The following MARCHF7 variants were observed in gnomAD, a reference collection of about 807,000 sequenced individuals.
MARCHF7 encodes E3 ubiquitin-protein ligase MARCHF7.
In MARCHF7, 20 loss-of-function variants were observed where a neutral mutation model predicts 76.5. The ratio of observed to expected loss-of-function variants is 0.26; its 90% CI spans 0.18 to 0.38. The LOEUF is 0.38. Ranked by LOEUF, MARCHF7 falls within the 10% of genes least tolerant of loss-of-function variation. MARCHF7 has a pLI of 1.00. For missense variants in MARCHF7, 797 were observed against 812.9 expected (o/e 0.98, Z 0.24); for synonymous variants, 295 against 293.0 (o/e 1.01, Z -0.07).
chr2:159,766,893 G>A (rs1707841707), intron 11 of MARCHF7, among the ~76,000 whole-genome samples: 1 of 152,044 alleles, frequency 6.6e-6, no homozygotes, highest in African/African-American at 2.4e-5. Context: ...AACATGCAGC[G>A]GTAATAAGCC....
intron 11 of MARCHF7, among the ~76,000 whole-genome samples, chr2:159,765,699 T>C (rs538479711): frequency 3.3e-5 from 5 of 152,288 alleles, no homozygotes; most frequent in African/African-American, 1.2e-4. Flanking sequence ...TTTTTAATTC[T>C]AGATAATCTA....
chr2:159,734,310 A>G (rs1703187657), intron 4 of MARCHF7, among the ~76,000 whole-genome samples: 1 of 143,502 alleles, frequency 7.0e-6, no homozygotes, highest in South Asian at 2.3e-4. Flanking sequence ...GGGCTTTTTA[A>G]AGTTATTGAT....
At chr2:159,720,875 C>A (rs192582068) in intron 3 of MARCHF7, among the ~76,000 whole-genome samples, 66 of 152,226 alleles carry the variant, frequency 4.3e-4, no homozygotes, top group African/African-American at 1.4e-3. Flanking sequence ...CGCAACCGCT[C>A]AAGACAGAGT....
Position 159,752,589 on chromosome 2 carries a change from G to T in MARCHF7, c.1783+18G>T. The T allele has an allele frequency of 6.9e-7, 1 of 1,444,480 alleles. No homozygotes were observed. Among genetic ancestry groups the T allele is most frequent in the Non-Finnish European group, 9.2e-7 (1 of 1,091,720 alleles). 89.5% of individuals were successfully genotyped at this position (1,444,480 alleles called of 1,614,324 possible). On this transcript the variant is annotated intron_variant, in intron 8 of 11. Coordinates refer to ENST00000409175, the MANE Select transcript of MARCHF7 (RefSeq NM_001282805.2). ...TAACTCTGGTAAGATTTACCCTTTT[G>T]TGTTTTCACAATTTTTCTAAGAGAT... is the stretch of plus-strand genomic sequence containing the variant.
intron 4 of MARCHF7, among the ~76,000 whole-genome samples, chr2:159,729,870 T>G (rs1282841804): frequency 2.0e-5 from 3 of 152,230 alleles, no homozygotes; most frequent in Admixed American, 6.5e-5. Flanking sequence ...ATAACAAATG[T>G]TAAGTGTTTT....
At chr2:159,722,673 G>A (rs747313440) in intron 3 of MARCHF7, among the ~76,000 whole-genome samples, 4 of 152,172 alleles carry the variant, frequency 2.6e-5, no homozygotes, top group East Asian at 1.9e-4. Context: ...TAAGTGATTC[G>A]ATAGAAGTTT....
intron 3 of MARCHF7, among the ~76,000 whole-genome samples, chr2:159,717,261 G>A (rs745718645): frequency 7.9e-5 from 12 of 152,220 alleles, no homozygotes; most frequent in African/African-American, 1.9e-4. Flanking sequence ...GTGCAGCAAC[G>A]TTGCATTACA....
At chr2:159,747,260 C>T (rs773667750) in intron 6 of MARCHF7, among the ~76,000 whole-genome samples, 9 of 152,006 alleles carry the variant, frequency 5.9e-5, no homozygotes, top group Admixed American at 2.6e-4. Flanking sequence ...ATAAGAACCA[C>T]AGCTGTTAAC....
At chr2:159,754,386 T>G (rs550717877) in intron 8 of MARCHF7, among the ~76,000 whole-genome samples, 4 of 152,230 alleles carry the variant, frequency 2.6e-5, no homozygotes, top group African/African-American at 9.6e-5. Context: ...ATAATTGGAT[T>G]TGATAGCATA....
intron 4 of MARCHF7, among the ~76,000 whole-genome samples, chr2:159,730,067 A>G (rs1438914844): frequency 6.6e-6 from 1 of 152,182 alleles, no homozygotes; most frequent in East Asian, 1.9e-4. Context: ...CGTTAGGACC[A>G]CAAGCTTTTT....
chr2:159,739,114 C>T (rs976038602), intron 4 of MARCHF7, among the ~76,000 whole-genome samples: 7 of 152,094 alleles, frequency 4.6e-5, no homozygotes, highest in Non-Finnish European at 7.4e-5. Context: ...GAGGCGGGGG[C>T]GGGAAGGGAG....
At chr2:159,757,568 A>AT (rs1706486281) in intron 8 of MARCHF7, among the ~76,000 whole-genome samples, 1 of 152,316 alleles carries the variant, frequency 6.6e-6, no homozygotes, top group Admixed American at 6.5e-5. Flanking sequence ...CTTTGAGCCC[A>AT]TGAGCTAGAG....
At chr2:159,713,969 T>C (rs1452846716) in intron 1 of MARCHF7, among the ~76,000 whole-genome samples, 7 of 152,212 alleles carry the variant, frequency 4.6e-5, no homozygotes, top group Non-Finnish European at 1.0e-4. Context: ...TAAGAATTCC[T>C]ACTTATTCAA....
In MARCHF7 at chr2:159,753,884, T is replaced by C. The variant is rs1040558436; in HGVS notation, c.1783+1313T>C. 8.8e-4 allele frequency among the ~76,000 whole-genome samples: 134 copies of C among 152,306 alleles called. 1 individual carries two copies. Among genetic ancestry groups the C allele is most frequent in the African/African-American group, 2.9e-3 (121 of 41,558 alleles). ...AAGACATCCAGTTCAGTAAATTGGA[T>C]GTGATGGAATGAAGGAGAAACAACA... On this transcript the variant is annotated intron_variant, in intron 8 of 11. Coordinates refer to ENST00000409175, the MANE Select transcript of MARCHF7 (RefSeq NM_001282805.2).
rs1290067507 is a variant in MARCHF7 at position 159,770,885 on chromosome 2, C to T, written c.*3543C>T. On this transcript the variant is annotated 3_prime_UTR_variant, in exon 12 of 12. Transcript: ENST00000409175. ...GTGACTAATTTACGTGAAATTTATACATTCTTTATCTTTCCTGTTTTTGGT... is the reference window on the plus strand; with the variant it reads ...GTGACTAATTTACGTGAAATTTATATATTCTTTATCTTTCCTGTTTTTGGT... 1 of 152,142 alleles carries T rather than the reference C, an allele frequency of 6.6e-6. No individual in the cohort carries two copies. The highest frequency in any genetic ancestry group is 1.5e-5 in the Non-Finnish European group (1 of 68,004). The allele number at this position is 152,142 out of a possible 1,614,324, so 9.4% of individuals were successfully genotyped here. A position where few individuals can be genotyped will look rare whatever the true frequency, so the allele number is the denominator to read the frequency against.
intron 4 of MARCHF7, among the ~76,000 whole-genome samples, chr2:159,736,226 A>G (rs1000592294): frequency 6.6e-6 from 1 of 152,178 alleles, no homozygotes; most frequent in Non-Finnish European, 1.5e-5. Context: ...ATCATTTTAC[A>G]TTCCCTTTTG....
chr2:159,745,936 A>G lies in MARCHF7; in HGVS notation c.513A>G (p.Ser171=), dbSNP rs1214582829. ...GAAGTGGTGATTTCACAACTTCATC[A>G]TGTATGTATAAATTACATCAAGTAT... ...SHRSGDFTTS[S]YVQDRVPSYS... The change falls in exon 6 of 12, where the codon TCA becomes TCG. Residue 171 remains serine, a splice_region_variant and synonymous_variant. Coordinates refer to ENST00000409175, the MANE Select transcript of MARCHF7 (RefSeq NM_001282805.2). The G allele has an allele frequency of 3.1e-6, 5 of 1,606,050 alleles. No homozygotes were observed. Among genetic ancestry groups the G allele is most frequent in the East Asian group, 2.2e-5 (1 of 44,652 alleles).
intron 4 of MARCHF7, among the ~76,000 whole-genome samples, chr2:159,740,942 C>G (rs1459642845): frequency 2.0e-5 from 3 of 152,164 alleles, no homozygotes; most frequent in African/African-American, 7.2e-5. Flanking sequence ...GTTTGGGAGG[C>G]TGAGGCAGGA....
intron 5 of MARCHF7, among the ~76,000 whole-genome samples, chr2:159,745,385 G>A (rs527544774): frequency 3.9e-5 from 6 of 152,294 alleles, no homozygotes; most frequent in Admixed American, 2.6e-4. Context: ...GCCGGGTGCG[G>A]TGGCTCGTGC....
Sources: gnomAD v4.1 joint callset for allele counts (sites outside exome capture counted in the v4.1 genomes callset) on GRCh38, gnomAD v4.1.1 for gene constraint, MANE v1.5 for transcripts, NCBI Gene and HGNC (gene_info 2026-07-23, HGNC 2026-07-21) for gene names.